Variants in WNK1 observed in about 807,000 individuals in gnomAD.
The protein encoded by WNK1 is WNK lysine deficient protein kinase 1.
A neutral mutation model predicts 222.8 loss-of-function variants in WNK1; 38 were observed. That is an observed-to-expected ratio of 0.17 (90% CI 0.13 to 0.22). WNK1 has a LOEUF of 0.22. WNK1 is among the 10% of genes least tolerant of loss of function. WNK1 has a pLI of 1.00. For missense variants in WNK1, 2,348 were observed against 2,918.4 expected (o/e 0.80, Z 4.50); for synonymous variants, 1,090 against 1,092.9 (o/e 1.00, Z 0.05).
At chr12:779,260 G>A (rs1943432122) in intron 1 of WNK1, among the ~76,000 whole-genome samples, 1 of 152,036 alleles carries the variant, frequency 6.6e-6, no homozygotes. Flanking sequence ...AGTGGTATTT[G>A]CCTTCAGATT....
chr12:856,639 G>A (rs1950820389), intron 4 of WNK1, among the ~76,000 whole-genome samples: 1 of 152,080 alleles, frequency 6.6e-6, no homozygotes, highest in African/African-American at 2.4e-5. Context: ...ATTTGTGCAG[G>A]ACAATTTGCT....
chr12:753,273 A>G lies in WNK1; in HGVS notation c.-293A>G, dbSNP rs1939467426. ...CGCCCGCCCGGCCGCCGCTCGCCGC[A>G]GGATGGATGCGGACCGTGCGGCGCT... is the stretch of plus-strand genomic sequence containing the variant. On this transcript the variant is annotated 5_prime_UTR_variant, in exon 1 of 28. Coordinates refer to ENST00000315939, the MANE Select transcript of WNK1 (RefSeq NM_018979.4). This position sits in a 1 kb window ranked among gnomAD's most constrained non-coding sequence, Gnocchi z 5.2. The G allele has an allele frequency of 4.8e-6, 2 of 413,408 alleles. No homozygotes were observed. The highest frequency in any genetic ancestry group is 4.3e-6 in the Non-Finnish European group (1 of 230,468). 25.6% of individuals were successfully genotyped at this position (413,408 alleles called of 1,614,324 possible).
rs893762328 is a variant in WNK1 at position 909,572 on chromosome 12, G to C, written c.*780G>C. ...AAGCTAGCTCTGTCCTTTACTTATTGAGACACTTTAACTTTTTCCTTTGTA... is the reference window on the plus strand; with the variant it reads ...AAGCTAGCTCTGTCCTTTACTTATTCAGACACTTTAACTTTTTCCTTTGTA... On this transcript the variant is annotated 3_prime_UTR_variant, in exon 28 of 28. Transcript: ENST00000315939. 9 of 152,294 alleles carry C rather than the reference G, an allele frequency of 5.9e-5. No individual in the cohort carries two copies. Among genetic ancestry groups the C allele is most frequent in the African/African-American group, 2.2e-4 (9 of 41,558 alleles). 9.4% of individuals were successfully genotyped at this position (152,294 alleles called of 1,614,324 possible).
chr12:898,547 C>G (rs1954944814), intron 25 of WNK1, among the ~76,000 whole-genome samples: 2 of 151,152 alleles, frequency 1.3e-5, no homozygotes, highest in South Asian at 4.2e-4. Flanking sequence ...AAGTGATACT[C>G]TTTTGTAATG....
chr12:871,484 GT>G, intron 9 of WNK1, 136 bp downstream of exon 9: 1 of 796,294 alleles, frequency 1.3e-6, no homozygotes, highest in South Asian at 1.6e-5. Context: ...CTTGTGTTCA[GT>G]AACAAAGAAA....
chr12:861,512 G>A (rs1251311004), intron 7 of WNK1, among the ~76,000 whole-genome samples, 169 bp downstream of exon 7: 1 of 152,070 alleles, frequency 6.6e-6, no homozygotes, highest in Non-Finnish European at 1.5e-5. Context: ...TCTGTGACTA[G>A]GAGAATAGAA....
chr12:888,680 C>T (rs1953909340), intron 20 of WNK1, among the ~76,000 whole-genome samples: 2 of 152,152 alleles, frequency 1.3e-5, no homozygotes, highest in Non-Finnish European at 2.9e-5. Flanking sequence ...AAATAATACC[C>T]TGTGATAGTG....
chr12:779,124 A>G (rs1175670109), intron 1 of WNK1, among the ~76,000 whole-genome samples: 1 of 152,188 alleles, frequency 6.6e-6, no homozygotes, highest in Non-Finnish European at 1.5e-5. Context: ...ATTGCCACTA[A>G]TTATGTGTTT....
At chr12:832,815 T>C (rs1017600959) in intron 4 of WNK1, among the ~76,000 whole-genome samples, 23 of 152,228 alleles carry the variant, frequency 1.5e-4, no homozygotes, top group African/African-American at 5.5e-4. Flanking sequence ...GCACTGACTC[T>C]CAATTTGGGC....
intron 9 of WNK1, among the ~76,000 whole-genome samples, chr12:873,268 GATA>G (rs1952315965): frequency 6.6e-6 from 1 of 152,126 alleles, no homozygotes; most frequent in African/African-American, 2.4e-5. Context: ...AAATGAAGAA[GATA>G]ATAAAATAAT....
At chr12:831,077 G>C (rs1300726058) in intron 4 of WNK1, among the ~76,000 whole-genome samples, 1 of 152,162 alleles carries the variant, frequency 6.6e-6, no homozygotes, top group Non-Finnish European at 1.5e-5. Context: ...CTATATTTCT[G>C]TAAGGAGAAG....
chr12:832,136 C>T (rs766169016), intron 4 of WNK1, among the ~76,000 whole-genome samples: 6 of 152,038 alleles, frequency 3.9e-5, no homozygotes, highest in Admixed American at 6.6e-5. Flanking sequence ...AGTGCAGTGG[C>T]GCCATCTCGG....
intron 1 of WNK1, among the ~76,000 whole-genome samples, chr12:810,565 T>C (rs931991362): frequency 2.0e-5 from 3 of 152,140 alleles, no homozygotes; most frequent in Non-Finnish European, 4.4e-5. Flanking sequence ...GTCTCACTGC[T>C]CCATTAGCAC....
chr12:824,189 G>T (rs868255704), intron 2 of WNK1, among the ~76,000 whole-genome samples: 1 of 149,064 alleles, frequency 6.7e-6, no homozygotes, highest in African/African-American at 2.5e-5. Flanking sequence ...GTGAGCCAGC[G>T]TCAGCCACTG....
chr12:873,754 A>G (rs1373903230), intron 9 of WNK1, among the ~76,000 whole-genome samples: 1 of 152,158 alleles, frequency 6.6e-6, no homozygotes, highest in Non-Finnish European at 1.5e-5. Flanking sequence ...TGGATAGTCT[A>G]TTTTTAGACA....
At chr12:875,205 G>A (rs116426752) in intron 9 of WNK1, among the ~76,000 whole-genome samples, 1,718 of 152,234 alleles carry the variant, frequency 0.011, 34 homozygotes, top group African/African-American at 0.039. Flanking sequence ...AATTAAGGAG[G>A]ATGTATTGGG....
intron 26 of WNK1, among the ~76,000 whole-genome samples, chr12:905,329 G>T (rs1158372300): frequency 1.3e-5 from 2 of 152,134 alleles, no homozygotes; most frequent in Admixed American, 6.6e-5. Flanking sequence ...GAACGTGAAG[G>T]TTTAGCTGTA....
intron 25 of WNK1, 77 bp downstream of exon 25, chr12:897,758 A>T (rs12309420): frequency 1.4e-6 from 2 of 1,462,682 alleles, no homozygotes; most frequent in African/African-American, 1.4e-5. Context: ...GACCTGCTGA[A>T]CATTTGTTGT....
chr12:879,308 C>G (rs774910972), intron 10 of WNK1, among the ~76,000 whole-genome samples: 3 of 151,862 alleles, frequency 2.0e-5, no homozygotes, highest in Non-Finnish European at 4.4e-5. Flanking sequence ...AATGCTGAAG[C>G]ATTAGCAAAT....
Sources: gnomAD v4.1 joint callset for allele counts (sites outside exome capture counted in the v4.1 genomes callset) on GRCh38, gnomAD v4.1.1 for gene constraint, Gnocchi (gnomAD v3.1) non-coding constraint, MANE v1.5 for transcripts, NCBI Gene and HGNC (gene_info 2026-07-23, HGNC 2026-07-21) for gene names.